The following PKD2 variants were observed in gnomAD, a reference collection of about 807,000 sequenced individuals.
PKD2 encodes polycystin 2, transient receptor potential cation channel.
Under a neutral mutation model 105.9 loss-of-function variants are expected in PKD2, and 48 were observed. That is an observed-to-expected ratio of 0.45 (90% CI 0.36 to 0.58). PKD2 has a LOEUF of 0.58. Among genes scored for constraint, PKD2 ranks in the 20% least tolerant of loss-of-function variants. The pLI, the probability that PKD2 is intolerant of heterozygous loss-of-function variation, is 0.00. For missense variants in PKD2, 1,078 were observed against 1,255.3 expected, an observed-to-expected ratio of 0.86 and a Z score of 2.13; for synonymous variants, 464 against 481.1, an observed-to-expected ratio of 0.96 and a Z score of 0.46.
rs199826736 is a variant in PKD2 at position 88,036,190 on chromosome 4, G to A, written c.710-30G>A. The A allele has an allele frequency of 9.3e-6, 15 of 1,613,666 alleles. No individual in the cohort carries two copies. The East Asian group carries it at 3.1e-4, about 34-fold the overall frequency. ...TGTGAATGTGTGCCGGTTCCCTTGGGGCGTTCATTTGGATCTTTCTGTGTT... is the reference window on the plus strand; with the variant it reads ...TGTGAATGTGTGCCGGTTCCCTTGGAGCGTTCATTTGGATCTTTCTGTGTT... On this transcript the variant is annotated intron_variant, in intron 2 of 14. Transcript: ENST00000237596.
At chr4:88,058,142 C>T in intron 9 of PKD2, 39 bp downstream of exon 9, 2 of 1,242,548 alleles carry the variant, frequency 1.6e-6, no homozygotes, top group Non-Finnish European at 2.4e-6. Context: ...TCAATTTAAA[C>T]TTCGTAAATC....
chr4:88,008,466 C>G, intron 1 of PKD2, 138 bp downstream of exon 1: 1 of 1,115,054 alleles, frequency 9.0e-7, no homozygotes, highest in Non-Finnish European at 1.2e-6. Context: ...AAGCGCATTC[C>G]CCACCTCCGC....
intron 1 of PKD2, among the ~76,000 whole-genome samples, chr4:88,012,997 TAC>T (rs1462064308): frequency 6.6e-6 from 1 of 152,182 alleles, no homozygotes. Context: ...TACACATATA[TAC>T]ACACACACCA....
chr4:88,057,102 G>A (rs1447821267), intron 8 of PKD2, among the ~76,000 whole-genome samples: 3 of 152,018 alleles, frequency 2.0e-5, no homozygotes, highest in African/African-American at 7.3e-5. Context: ...CAATCCTGCT[G>A]CCTCAGCCTG....
chr4:88,046,129 A>C (rs1338486977), intron 5 of PKD2, among the ~76,000 whole-genome samples: 1 of 146,192 alleles, frequency 6.8e-6, no homozygotes, highest in Non-Finnish European at 1.5e-5. Flanking sequence ...GTCTCTGCCA[A>C]AAAAAAAAAA....
intron 2 of PKD2, among the ~76,000 whole-genome samples, chr4:88,026,876 G>T (rs930188177): frequency 6.6e-6 from 1 of 152,208 alleles, no homozygotes; most frequent in Non-Finnish European, 1.5e-5. Flanking sequence ...GCTTCAGAGG[G>T]TACAAATCCC....
chr4:88,038,264 C>T lies in PKD2; in HGVS notation c.857C>T (p.Ser286Phe), dbSNP rs1462204559. The T allele has an allele frequency of 6.2e-7, 1 of 1,613,964 alleles. No individual in the cohort carries two copies. The highest frequency in any genetic ancestry group is 1.3e-5 in the African/African-American group (1 of 74,906). ...MEDFWKFTEGSLLDGLYWKMQ... is the reference protein window; with the variant it reads ...MEDFWKFTEGFLLDGLYWKMQ... Reference sequence around the variant, plus strand: ...CTTTGCTTTTAGTTCACAGAAGGCTCCTTATTGGATGGGCTGTACTGGAAG... The same window carrying T: ...CTTTGCTTTTAGTTCACAGAAGGCTTCTTATTGGATGGGCTGTACTGGAAG... Residue 286 changes from serine to phenylalanine, a missense_variant, in exon 4 of 15, where the codon TCC (serine) becomes TTC (phenylalanine). Coordinates refer to ENST00000237596, the MANE Select transcript of PKD2 (RefSeq NM_000297.4).
In PKD2 at chr4:88,036,210, T is replaced by C; in HGVS notation, c.710-10T>C. The C allele has an allele frequency of 6.2e-7, 1 of 1,613,796 alleles. No homozygotes were observed. The highest frequency in any genetic ancestry group is 8.5e-7 in the Non-Finnish European group (1 of 1,179,774). On this transcript the variant is annotated splice_polypyrimidine_tract_variant and intron_variant, in intron 2 of 14. Coordinates refer to ENST00000237596, the MANE Select transcript of PKD2 (RefSeq NM_000297.4). The stretch of plus-strand genomic sequence containing the variant: ...CTTGGGGCGTTCATTTGGATCTTTC[T>C]GTGTTCCAGTGACCTACGGCATGAT...
chr4:88,016,969 CAA>C (rs374650752), intron 1 of PKD2, among the ~76,000 whole-genome samples: 1 of 105,454 alleles, frequency 9.5e-6, no homozygotes, highest in Non-Finnish European at 2.1e-5. Flanking sequence ...CTGTCTCAAA[CAA>C]AAAAAAAAAC....
chr4:88,016,705 A>T lies in PKD2; in HGVS notation c.596-2753A>T, dbSNP rs184352075. On this transcript the variant is annotated intron_variant, in intron 1 of 14. Transcript: ENST00000237596. ...GCCAAGCACAGTGGCTCACATCTGT[A>T]ATCCCAGCACTTTGAGAGGCCAAGG... Among the ~76,000 whole-genome samples, 16 of 152,350 alleles carry T rather than the reference A, an allele frequency of 1.1e-4. No homozygotes were observed. The East Asian group carries it at 3.1e-3, about 29-fold the overall frequency.
At chr4:88,048,442 C>T (rs191465939) in intron 6 of PKD2, among the ~76,000 whole-genome samples, 2 of 152,138 alleles carry the variant, frequency 1.3e-5, no homozygotes, top group African/African-American at 4.8e-5. Flanking sequence ...ACTACATGGC[C>T]ATATATTGCA....
chr4:88,058,911 G>A (rs1321604163), intron 9 of PKD2, among the ~76,000 whole-genome samples: 1 of 151,768 alleles, frequency 6.6e-6, no homozygotes, highest in Non-Finnish European at 1.5e-5. Flanking sequence ...CTTAATTTAG[G>A]CAATATTTTT....
chr4:88,031,383 C>T (rs1467301566), intron 2 of PKD2, among the ~76,000 whole-genome samples: 1 of 152,098 alleles, frequency 6.6e-6, no homozygotes, highest in Non-Finnish European at 1.5e-5. Flanking sequence ...TATAGAGTCC[C>T]TTCAAATGTT....
At chr4:88,065,546 A>T (rs1720760087) in intron 11 of PKD2, 51 bp downstream of exon 11, 4 of 1,585,450 alleles carry the variant, frequency 2.5e-6, no homozygotes, top group Non-Finnish European at 3.5e-6. Context: ...TCTAAAGATA[A>T]ATTCCTGGTG....
chr4:88,052,047 A>G lies in PKD2; in HGVS notation c.1605A>G (p.Leu535=), dbSNP rs552483463. 3 of 1,602,916 alleles carry G rather than the reference A, an allele frequency of 1.9e-6. No homozygotes were observed. The highest frequency in any genetic ancestry group is 4.5e-5 in the East Asian group (2 of 44,778). Residue 535 remains leucine (L), a synonymous_variant, in exon 7 of 15, where the codon CTA becomes CTG. Coordinates refer to ENST00000237596, the MANE Select transcript of PKD2 (RefSeq NM_000297.4). ...ACAGAACATCAAATGTGGAGGTGCTACTACAGTTTCTGGAAGATCAAAATA... is the reference window on the plus strand; with the variant it reads ...ACAGAACATCAAATGTGGAGGTGCTGCTACAGTTTCTGGAAGATCAAAATA... The part of the protein sequence containing the change: ...NIYRTSNVEV[L]LQFLEDQNTF...
intron 1 of PKD2, 107 bp downstream of exon 1, chr4:88,008,435 T>A: frequency 7.5e-7 from 1 of 1,325,258 alleles, no homozygotes; most frequent in Non-Finnish European, 9.8e-7. Flanking sequence ...TCGCATCCCC[T>A]CTGCGTTCCG....
chr4:88,064,824 C>T (rs958039589), intron 10 of PKD2, among the ~76,000 whole-genome samples: 3 of 151,880 alleles, frequency 2.0e-5, no homozygotes, highest in African/African-American at 7.2e-5. Flanking sequence ...CTCAGGAGGT[C>T]GAGGCTGCAG....
intron 2 of PKD2, among the ~76,000 whole-genome samples, chr4:88,021,264 C>T (rs1045066620): frequency 3.3e-5 from 5 of 152,086 alleles, no homozygotes; most frequent in African/African-American, 4.8e-5. Context: ...TGTGGTTTTC[C>T]GAGATCTACT....
At chr4:88,053,290 T>C (rs1256263513) in intron 7 of PKD2, among the ~76,000 whole-genome samples, 3 of 152,300 alleles carry the variant, frequency 2.0e-5, no homozygotes, top group South Asian at 4.1e-4. Flanking sequence ...TGAAAAGCAC[T>C]GTTCTGGAAG....
Sources: gnomAD v4.1 joint callset for allele counts (sites outside exome capture counted in the v4.1 genomes callset) on GRCh38, gnomAD v4.1.1 for gene constraint, MANE v1.5 for transcripts, NCBI Gene and HGNC (gene_info 2026-07-23, HGNC 2026-07-21) for gene names.